TANC2: variants seen among roughly 807,000 people sequenced by gnomAD.
TANC2 encodes the protein protein TANC2.
Under a neutral mutation model 210.5 loss-of-function variants are expected in TANC2, and 26 were observed. The ratio of observed to expected loss-of-function variants is 0.12; its 90% CI spans 0.09 to 0.17. The LOEUF is 0.17. TANC2 is among the 10% of genes least tolerant of loss of function. TANC2 has a pLI of 1.00. For synonymous variants in TANC2, 931 were observed against 967.1 expected, an observed-to-expected ratio of 0.96 and a Z score of 0.69; for missense variants, 2,129 against 2,608.9, an observed-to-expected ratio of 0.82 and a Z score of 4.01.
intron 9 of TANC2, among the ~76,000 whole-genome samples, chr17:63,299,069 A>C (rs541202938): frequency 1.3e-5 from 2 of 152,278 alleles, no homozygotes; most frequent in African/African-American, 4.8e-5. Flanking sequence ...GATGTCTTCC[A>C]GCTTCATCTG....
intron 11 of TANC2, among the ~76,000 whole-genome samples, chr17:63,319,812 GA>G (rs1326856360): frequency 6.6e-6 from 1 of 151,974 alleles, no homozygotes; most frequent in Non-Finnish European, 1.5e-5. Context: ...TAAACACATA[GA>G]AAATCAAAGA....
At chr17:63,140,176 ACT>A (rs958029728) in intron 4 of TANC2, among the ~76,000 whole-genome samples, 3 of 152,266 alleles carry the variant, frequency 2.0e-5, no homozygotes, top group South Asian at 2.1e-4. Flanking sequence ...CTGAAGCTCA[ACT>A]CTCTCTGTTA....
chr17:63,422,002 T>G, exon 28 of TANC2: 1 of 1,541,920 alleles, frequency 6.5e-7, no homozygotes, highest in South Asian at 1.3e-5. Context: ...CTGCACATTT[T>G]CAGGCTTGGT....
At chr17:62,977,613 C>T (rs916377392) in intron 1 of TANC2, among the ~76,000 whole-genome samples, 2 of 151,856 alleles carry the variant, frequency 1.3e-5, no homozygotes, top group African/African-American at 2.4e-5. Flanking sequence ...GGTATTTCTC[C>T]CCTATCCCCT....
At chr17:63,291,703 G>T (rs1219415309) in intron 9 of TANC2, among the ~76,000 whole-genome samples, 1 of 152,144 alleles carries the variant, frequency 6.6e-6, no homozygotes, top group Non-Finnish European at 1.5e-5. Context: ...AACTTCCTAG[G>T]TTCTGATTAA....
intron 2 of TANC2, among the ~76,000 whole-genome samples, chr17:63,011,890 G>A (rs1021865424): frequency 6.6e-6 from 1 of 151,164 alleles, no homozygotes; most frequent in South Asian, 2.1e-4. Flanking sequence ...AAAGTCTTTG[G>A]TCTGCATGAA....
At chr17:63,389,253 TA>T (rs2047884777) in intron 16 of TANC2, 54 bp from the exon 17 acceptor site, 1 of 1,374,308 alleles carries the variant, frequency 7.3e-7, no homozygotes. Flanking sequence ...AAAAGATGAC[TA>T]AAAGGATGTG....
Position 63,412,211 on chromosome 17 carries a change from G to C in TANC2, c.3898+81G>C. 1 of 1,592,418 alleles carries C rather than the reference G, an allele frequency of 6.3e-7. No individual in the cohort carries two copies. Among genetic ancestry groups the C allele is most frequent in the Non-Finnish European group, 8.6e-7 (1 of 1,165,976 alleles). On this transcript the variant is annotated intron_variant, in intron 23 of 27. Coordinates refer to ENST00000689528, the Ensembl canonical transcript of TANC2. This position sits in a 1 kb window ranked among gnomAD's most constrained non-coding sequence, Gnocchi z 4.2. ...GTGGTCTGGCTGCCCTGGGTATTTG[G>C]TGTGAGTGTATATAGTTCCCCCTCC...
intron 9 of TANC2, among the ~76,000 whole-genome samples, chr17:63,301,387 G>A (rs905086029): frequency 1.3e-5 from 2 of 152,064 alleles, no homozygotes; most frequent in Non-Finnish European, 2.9e-5. Flanking sequence ...GGTAGAATTC[G>A]GCTGTGAATC....
At chr17:63,263,087 A>G (rs970613937) in intron 8 of TANC2, among the ~76,000 whole-genome samples, 5 of 152,182 alleles carry the variant, frequency 3.3e-5, no homozygotes, top group African/African-American at 1.2e-4. Flanking sequence ...CAGTAGACCT[A>G]GATAACTAAG....
chr17:63,318,983 C>T (rs763979750), exon 11 of TANC2: 2 of 1,613,324 alleles, frequency 1.2e-6, no homozygotes, highest in South Asian at 1.1e-5. Context: ...AGAGCTGCCA[C>T]TCACACAGCC....
At chr17:63,332,701 C>T (rs1213711366) in intron 11 of TANC2, among the ~76,000 whole-genome samples, 2 of 152,236 alleles carry the variant, frequency 1.3e-5, no homozygotes, top group African/African-American at 4.8e-5. Flanking sequence ...CTGGTGCCAC[C>T]TAGGACTTTC....
chr17:63,171,008 G>C (rs924877368), intron 5 of TANC2, among the ~76,000 whole-genome samples: 1 of 151,908 alleles, frequency 6.6e-6, no homozygotes, highest in African/African-American at 2.4e-5. Context: ...ATTAGATTGG[G>C]AGTGGGGTGG....
chr17:63,358,874 G>A (rs906761613), intron 14 of TANC2, among the ~76,000 whole-genome samples: 3 of 151,730 alleles, frequency 2.0e-5, no homozygotes, highest in African/African-American at 4.8e-5. Context: ...CTTTAGGCTC[G>A]CCCTGAATAA....
At position 63,420,965 on chromosome 17, in the gene TANC2, A is replaced by G; in HGVS notation, c.5235A>G (p.Gln1745=). 8 of 1,613,988 alleles carry G rather than the reference A, an allele frequency of 5.0e-6. No individual in the cohort carries two copies. In the South Asian group the frequency reaches 7.7e-5, roughly 16 times the overall value. Residue 1745 remains glutamine (Q), a synonymous_variant, in exon 28 of 28, where the codon CAA becomes CAG. Coordinates refer to ENST00000689528, the Ensembl canonical transcript of TANC2. This position sits in a 1 kb window ranked among gnomAD's most constrained non-coding sequence, Gnocchi z 4.2. ...TCAGCCAGAGCCGGTTGGTTTATCA[A>G]GGGTCAATTGGGGGAATCGTAGGGG... is the stretch of plus-strand genomic sequence containing the variant.
At chr17:63,403,418 A>G (rs1189360412) in intron 19 of TANC2, among the ~76,000 whole-genome samples, 4 of 152,306 alleles carry the variant, frequency 2.6e-5, no homozygotes, top group African/African-American at 4.8e-5. Context: ...GTAAGTGTCT[A>G]TCCAGTCAAA....
chr17:63,053,647 G>A (rs142916011), intron 2 of TANC2, among the ~76,000 whole-genome samples: 4 of 152,208 alleles, frequency 2.6e-5, no homozygotes, highest in Admixed American at 1.3e-4. Flanking sequence ...TTTGTGTGCC[G>A]ATGGCATATC....
chr17:63,089,968 G>A (rs1042430527), intron 3 of TANC2, among the ~76,000 whole-genome samples: 21 of 151,970 alleles, frequency 1.4e-4, no homozygotes, highest in African/African-American at 5.1e-4. Flanking sequence ...AGTAAAATTT[G>A]CCATTTTAAG....
chr17:63,165,022 C>T (rs1201026019), intron 5 of TANC2, among the ~76,000 whole-genome samples: 2 of 152,158 alleles, frequency 1.3e-5, no homozygotes, highest in Non-Finnish European at 2.9e-5. Flanking sequence ...TGGCTCACAC[C>T]TGTAATTCCA....
Sources: gnomAD v4.1 joint callset for allele counts (sites outside exome capture counted in the v4.1 genomes callset) on GRCh38, gnomAD v4.1.1 for gene constraint, Gnocchi (gnomAD v3.1) non-coding constraint, MANE v1.5 for transcripts, NCBI Gene and HGNC (gene_info 2026-07-23, HGNC 2026-07-21) for gene names.